The following PRKAR2B variants were observed in gnomAD, a reference collection of about 807,000 sequenced individuals.
PRKAR2B encodes cAMP-dependent protein kinase type II-beta regulatory subunit.
In PRKAR2B, 14 loss-of-function variants were observed where a neutral mutation model predicts 49.9. That is an observed-to-expected ratio of 0.28 (90% CI 0.19 to 0.44). The LOEUF (loss-of-function observed/expected upper bound fraction) is 0.44, where lower values mean the gene tolerates loss of function less well. Among genes scored for constraint, PRKAR2B ranks in the 20% least tolerant of loss-of-function variants. The probability of loss-of-function intolerance (pLI) is 1.00; values close to 1 mark genes in which losing one functional copy is unlikely to be tolerated. For missense variants in PRKAR2B, 393 were observed against 537.9 expected (o/e 0.73, Z 2.67); for synonymous variants, 196 against 197.7 (o/e 0.99, Z 0.07).
chr7:107,159,756 A>G lies in PRKAR2B; in HGVS notation c.*174A>G, dbSNP rs1421702304. ...GATTTAATAGTCAATAGGCTTTAAC[A>G]TCACTTTCTAAAGAGTAGTTCATAA... is the stretch of plus-strand genomic sequence containing the variant. On this transcript the variant is annotated 3_prime_UTR_variant, in exon 11 of 11. Transcript: ENST00000265717. 1 of 547,560 alleles carries G rather than the reference A, an allele frequency of 1.8e-6. No homozygotes were observed. Among genetic ancestry groups the G allele is most frequent in the East Asian group, 3.1e-5 (1 of 32,614 alleles). The allele number at this position is 547,560 out of a possible 1,614,324, so 33.9% of individuals were successfully genotyped here.
intron 2 of PRKAR2B, among the ~76,000 whole-genome samples, chr7:107,100,988 C>T (rs1794951421): frequency 6.6e-6 from 1 of 151,760 alleles, no homozygotes; most frequent in Non-Finnish European, 1.5e-5. Flanking sequence ...AATTGTAGAT[C>T]ATATCTGTTG....
chr7:107,069,162 C>T (rs1794214021), intron 1 of PRKAR2B, among the ~76,000 whole-genome samples: 1 of 152,178 alleles, frequency 6.6e-6, no homozygotes, highest in Admixed American at 6.5e-5. Flanking sequence ...TCTCAAACTC[C>T]TCACCTCAGG....
intron 7 of PRKAR2B, among the ~76,000 whole-genome samples, chr7:107,152,428 C>T (rs915057737): frequency 1.3e-5 from 2 of 152,184 alleles, no homozygotes; most frequent in African/African-American, 2.4e-5. Flanking sequence ...TGCAGGGCTC[C>T]TTCATTTCTC....
intron 2 of PRKAR2B, among the ~76,000 whole-genome samples, chr7:107,070,907 C>G (rs1411081890): frequency 6.6e-6 from 1 of 152,158 alleles, no homozygotes; most frequent in African/African-American, 2.4e-5. Flanking sequence ...CTACAGTACC[C>G]TAATGTAGTC....
At chr7:107,152,322 C>T (rs1396000834) in intron 7 of PRKAR2B, among the ~76,000 whole-genome samples, 1 of 152,168 alleles carries the variant, frequency 6.6e-6, no homozygotes, top group East Asian at 1.9e-4. Flanking sequence ...TCTCTGTTGA[C>T]ACATCAGCTT....
At chr7:107,069,203 T>C (rs376460536) in intron 1 of PRKAR2B, among the ~76,000 whole-genome samples, 1 of 152,210 alleles carries the variant, frequency 6.6e-6, no homozygotes, top group African/African-American at 2.4e-5. Context: ...CCCAAAGTGT[T>C]GGGATTACAG....
At chr7:107,112,174 TAAA>T (rs749209141) in intron 2 of PRKAR2B, among the ~76,000 whole-genome samples, 1 of 44,762 alleles carries the variant, frequency 2.2e-5, no homozygotes, top group African/African-American at 1.0e-4. Flanking sequence ...ACTGTGTCTC[TAAA>T]AAAAAAAAAA....
intron 1 of PRKAR2B, among the ~76,000 whole-genome samples, chr7:107,051,733 A>G (rs1044269660): frequency 1.3e-5 from 2 of 152,130 alleles, no homozygotes; most frequent in African/African-American, 2.4e-5. Flanking sequence ...GTAGCTTAAT[A>G]TGTTTGGAAA....
At chr7:107,147,106 G>A (rs552447308) in intron 6 of PRKAR2B, among the ~76,000 whole-genome samples, 3 of 152,028 alleles carry the variant, frequency 2.0e-5, no homozygotes, top group East Asian at 1.9e-4. Context: ...ACCTAGCCAC[G>A]AGGTCAGGAG....
chr7:107,081,509 T>A (rs1235903566), intron 2 of PRKAR2B, among the ~76,000 whole-genome samples: 1 of 150,728 alleles, frequency 6.6e-6, no homozygotes, highest in Non-Finnish European at 1.5e-5. Context: ...ATATACTAGG[T>A]AATCATTGGA....
chr7:107,098,956 C>G (rs564234479), intron 2 of PRKAR2B, among the ~76,000 whole-genome samples: 1 of 152,176 alleles, frequency 6.6e-6, no homozygotes, highest in African/African-American at 2.4e-5. Context: ...TTAGGCTACT[C>G]GGGGTTCAGG....
intron 4 of PRKAR2B, among the ~76,000 whole-genome samples, chr7:107,131,231 A>G (rs563258911): frequency 5.3e-5 from 8 of 152,336 alleles, no homozygotes; most frequent in African/African-American, 1.7e-4. Context: ...TGGTGTCTGT[A>G]GGGTTAAGTG....
intron 3 of PRKAR2B, among the ~76,000 whole-genome samples, chr7:107,125,088 C>T (rs1795460679): frequency 6.6e-6 from 1 of 151,194 alleles, no homozygotes; most frequent in South Asian, 2.1e-4. Context: ...ATTTTTTTTC[C>T]CCCAGTCATT....
At chr7:107,055,214 G>T (rs1216069117) in intron 1 of PRKAR2B, among the ~76,000 whole-genome samples, 1 of 152,148 alleles carries the variant, frequency 6.6e-6, no homozygotes, top group African/African-American at 2.4e-5. Flanking sequence ...GTCTATCATT[G>T]TTGGACATTT....
intron 7 of PRKAR2B, 63 bp downstream of exon 7, chr7:107,151,086 T>C: frequency 1.0e-6 from 1 of 952,534 alleles, no homozygotes; most frequent in Non-Finnish European, 1.5e-6. Flanking sequence ...GCTAGGAATA[T>C]TTAGTTCTAT....
At chr7:107,083,886 C>A (rs187981618) in intron 2 of PRKAR2B, among the ~76,000 whole-genome samples, 1 of 152,276 alleles carries the variant, frequency 6.6e-6, no homozygotes, top group Non-Finnish European at 1.5e-5. Flanking sequence ...GCTGGGATTA[C>A]AGGCGTGAGC....
intron 1 of PRKAR2B, among the ~76,000 whole-genome samples, chr7:107,046,250 A>AGTGTTTTCTCTTT (rs1217640803): frequency 6.6e-6 from 1 of 152,174 alleles, no homozygotes; most frequent in Non-Finnish European, 1.5e-5. Context: ...GCAGTGTGCA[A>AGTGTTTTCTCTTT]GTGTTTTCTC....
intron 4 of PRKAR2B, among the ~76,000 whole-genome samples, chr7:107,135,380 G>A (rs892650046): frequency 3.3e-5 from 5 of 152,122 alleles, no homozygotes; most frequent in African/African-American, 9.7e-5. Context: ...AGTGCTGAAA[G>A]TCCTGGCTAA....
intron 1 of PRKAR2B, among the ~76,000 whole-genome samples, chr7:107,057,911 T>A (rs908365562): frequency 6.6e-6 from 1 of 152,198 alleles, no homozygotes; most frequent in African/African-American, 2.4e-5. Flanking sequence ...ATAGTACTTT[T>A]AAAAAGTTAT....
Sources: allele counts gnomAD v4.1 joint callset (sites outside exome capture counted in the v4.1 genomes callset), GRCh38; gene constraint gnomAD v4.1.1; transcripts MANE v1.5; gene names NCBI Gene and HGNC (gene_info 2026-07-23, HGNC 2026-07-21).